The following COL24A1 variants were observed in gnomAD, a reference collection of about 807,000 sequenced individuals.
The protein encoded by COL24A1 is collagen alpha-1(XXIV) chain.
In COL24A1, 224 loss-of-function variants were observed where a neutral mutation model predicts 253.9. The observed-to-expected ratio is 0.88, with a 90% CI of 0.79 to 0.99. The LOEUF (loss-of-function observed/expected upper bound fraction) is 0.99. Among genes scored for constraint, COL24A1 ranks in the 50% least tolerant of loss-of-function variants. The pLI is 0.00. For missense variants in COL24A1, 2,131 were observed against 2,068.5 expected, an observed-to-expected ratio of 1.03 and a Z score of -0.59; for synonymous variants, 685 against 673.7, an observed-to-expected ratio of 1.02 and a Z score of -0.26.
At chr1:85,905,377 G>A (rs1033702123) in intron 28 of COL24A1, among the ~76,000 whole-genome samples, 1 of 152,050 alleles carries the variant, frequency 6.6e-6, no homozygotes, top group South Asian at 2.1e-4. Flanking sequence ...GAAGAGAGAA[G>A]AGAGTAAAAA....
At chr1:85,872,868 C>T (rs978474190) in intron 35 of COL24A1, among the ~76,000 whole-genome samples, 1 of 152,116 alleles carries the variant, frequency 6.6e-6, no homozygotes, top group East Asian at 1.9e-4. Flanking sequence ...AGCTTCTGCA[C>T]AGAAAAAGAA....
At chr1:86,123,590 A>G (rs1429235640) in intron 3 of COL24A1, among the ~76,000 whole-genome samples, 6 of 151,930 alleles carry the variant, frequency 3.9e-5, no homozygotes. Context: ...CTGAATGACT[A>G]TTTTTGAATT....
chr1:85,852,945 C>T (rs914298285), intron 37 of COL24A1, among the ~76,000 whole-genome samples: 51 of 152,116 alleles, frequency 3.4e-4, no homozygotes, highest in Non-Finnish European at 5.3e-4. Context: ...CCACAGTAAC[C>T]ACAGTATTAT....
chr1:85,968,410 T>C (rs980960488), intron 22 of COL24A1, among the ~76,000 whole-genome samples: 1 of 152,210 alleles, frequency 6.6e-6, no homozygotes, highest in Non-Finnish European at 1.5e-5. Flanking sequence ...ATTCTGTTTT[T>C]ACTACACATA....
intron 24 of COL24A1, among the ~76,000 whole-genome samples, chr1:85,915,118 C>T (rs868181078): frequency 6.6e-6 from 1 of 152,120 alleles, no homozygotes; most frequent in East Asian, 1.9e-4. Context: ...ATTGCCTTTC[C>T]CAATGTGGGT....
chr1:85,802,362 T>C (rs374481763), intron 47 of COL24A1, among the ~76,000 whole-genome samples: 10 of 152,252 alleles, frequency 6.6e-5, no homozygotes, highest in Middle Eastern at 3.4e-3. Context: ...CGTACTGGTC[T>C]TTTTTTGATT....
At chr1:86,080,957 T>C (rs11583563) in intron 7 of COL24A1, among the ~76,000 whole-genome samples, 48,548 of 151,986 alleles carry the variant, frequency 0.32, 8,195 homozygotes, top group Middle Eastern at 0.44. Flanking sequence ...TAATAACCAA[T>C]GGGAAAATTT....
intron 32 of COL24A1, among the ~76,000 whole-genome samples, chr1:85,878,942 GTTGAGTT>G (rs1221553188): frequency 1.3e-5 from 2 of 152,020 alleles, no homozygotes; most frequent in Non-Finnish European, 2.9e-5. Flanking sequence ...AAAGAAAATT[GTTGAGTT>G]TTAATTTTTT....
intron 7 of COL24A1, among the ~76,000 whole-genome samples, chr1:86,087,910 G>T (rs776949815): frequency 7.2e-5 from 11 of 152,110 alleles, no homozygotes; most frequent in Non-Finnish European, 1.6e-4. Context: ...CTAGTCTGAA[G>T]GACATTAAAA....
Position 85,823,587 on chromosome 1 carries a change from G to A in COL24A1, c.3738C>T (p.Gly1246=), listed in dbSNP as rs143522499. 2.7e-4 allele frequency: 433 copies of A among 1,613,748 alleles called. No individual in the cohort carries two copies. In the African/African-American group the frequency reaches 4.4e-3, roughly 16 times the overall value. Residue 1246 remains glycine, a splice_region_variant and synonymous_variant, in exon 45 of 60, where the codon GGC becomes GGT. Coordinates refer to ENST00000370571, the MANE Select transcript of COL24A1 (RefSeq NM_152890.7). Reference sequence around the variant, plus strand: ...CTTGTTCACCCTGGTCACCTGGTTCGCCCTTTAGTAGAAACCAAAATAAAA... The same window carrying A: ...CTTGTTCACCCTGGTCACCTGGTTCACCCTTTAGTAGAAACCAAAATAAAA... ...RGATGQQGPP[G]EPGDQGEQGL...
At chr1:85,834,655 A>G (rs1241564959) in intron 43 of COL24A1, among the ~76,000 whole-genome samples, 1 of 152,212 alleles carries the variant, frequency 6.6e-6, no homozygotes, top group Non-Finnish European at 1.5e-5. Context: ...TAATTTATTC[A>G]AAGTATTTCT....
chr1:86,027,246 A>G (rs1698118037), intron 14 of COL24A1, among the ~76,000 whole-genome samples: 1 of 152,248 alleles, frequency 6.6e-6, no homozygotes, highest in Non-Finnish European at 1.5e-5. Flanking sequence ...AATTAAAGTC[A>G]GCTGCAGAAA....
intron 28 of COL24A1, among the ~76,000 whole-genome samples, chr1:85,904,349 A>G (rs1460905016): frequency 6.6e-6 from 1 of 152,126 alleles, no homozygotes; most frequent in Non-Finnish European, 1.5e-5. Context: ...CTGGACACAG[A>G]GGCGTATAAT....
rs572931837 is a variant in COL24A1 at position 86,031,861 on chromosome 1, T to C, written c.2049+17A>G. ...TAAAATATTTTCTTAAGAATGATGA[T>C]ATTTAGTGATACTCACTCTAAGCCC... On this transcript the variant is annotated intron_variant, in intron 14 of 59. Coordinates refer to ENST00000370571, the MANE Select transcript of COL24A1 (RefSeq NM_152890.7). 4.4e-6 allele frequency: 7 copies of C among 1,586,856 alleles called. No homozygotes were observed. The South Asian group carries it at 6.9e-5, about 16-fold the overall frequency.
intron 10 of COL24A1, among the ~76,000 whole-genome samples, chr1:86,051,010 T>G (rs544993593): frequency 6.6e-6 from 1 of 152,202 alleles, no homozygotes; most frequent in Non-Finnish European, 1.5e-5. Flanking sequence ...CTACTGATTT[T>G]AGGGAGTATG....
intron 35 of COL24A1, among the ~76,000 whole-genome samples, chr1:85,871,970 T>C (rs529189564): frequency 6.6e-6 from 1 of 152,172 alleles, no homozygotes; most frequent in Non-Finnish European, 1.5e-5. Context: ...GCCCCAAATC[T>C]CCTTAAGCTG....
intron 37 of COL24A1, among the ~76,000 whole-genome samples, chr1:85,859,108 T>A (rs1480349543): frequency 6.6e-6 from 1 of 152,154 alleles, no homozygotes; most frequent in East Asian, 1.9e-4. Flanking sequence ...CACATTAGAA[T>A]ACAAATTCCT....
At chr1:85,792,717 CAAAT>C (rs796357906) in intron 47 of COL24A1, among the ~76,000 whole-genome samples, 4 of 151,060 alleles carry the variant, frequency 2.6e-5, no homozygotes, top group African/African-American at 9.7e-5. Context: ...CAAAAATAAA[CAAAT>C]AAATTAATAA....
chr1:85,910,044 A>G (rs370278239), intron 25 of COL24A1, 41 bp from the exon 26 acceptor site: 1 of 1,532,432 alleles, frequency 6.5e-7, no homozygotes. Context: ...ATAGAGGCAT[A>G]TTAATTAGTC....
Sources: gnomAD v4.1 joint callset for allele counts (sites outside exome capture counted in the v4.1 genomes callset) on GRCh38, gnomAD v4.1.1 for gene constraint, MANE v1.5 for transcripts, NCBI Gene and HGNC (gene_info 2026-07-23, HGNC 2026-07-21) for gene names.